Variants in TRIM13 observed in about 807,000 individuals in gnomAD.
TRIM13 encodes the protein tripartite motif containing 13.
A neutral mutation model predicts 27.1 loss-of-function variants in TRIM13; 15 were observed. The observed-to-expected ratio is 0.55, with a 90% CI of 0.37 to 0.85. The LOEUF (loss-of-function observed/expected upper bound fraction) is 0.85. Among genes scored for constraint, TRIM13 ranks in the 40% least tolerant of loss-of-function variants. The pLI, the probability that TRIM13 is intolerant of heterozygous loss-of-function variation, is 0.00. For missense variants in TRIM13, 402 were observed against 472.2 expected (o/e 0.85, Z 1.38); for synonymous variants, 193 against 171.5 (o/e 1.13, Z -0.98).
At chr13:50,002,429 ACTT>A (rs1328083953) in intron 1 of TRIM13, among the ~76,000 whole-genome samples, 4 of 152,116 alleles carry the variant, frequency 2.6e-5, no homozygotes, top group South Asian at 2.1e-4. Context: ...AGCAGATTAA[ACTT>A]CTTATGAGGC....
chr13:50,011,748 C>G (rs1875672074), intron 1 of TRIM13, among the ~76,000 whole-genome samples, 187 bp from the exon 2 acceptor site: 1 of 152,200 alleles, frequency 6.6e-6, no homozygotes, highest in Non-Finnish European at 1.5e-5. Context: ...ATTAAAGGAG[C>G]ATGTTCTAGT....
chr13:50,018,291 A>G lies in TRIM13; in HGVS notation c.*5127A>G, dbSNP rs1225832903. Reference sequence around the variant, plus strand: ...ACGTTCCACTTTGTTACAATCTACTATCTGTATATACTATTTGTATCTTAA... The same window carrying G: ...ACGTTCCACTTTGTTACAATCTACTGTCTGTATATACTATTTGTATCTTAA... On this transcript the variant is annotated 3_prime_UTR_variant, in exon 2 of 2. Transcript: ENST00000378182. 1 of 166,888 alleles carries G rather than the reference A, an allele frequency of 6.0e-6. No individual in the cohort carries two copies. Among genetic ancestry groups the G allele is most frequent in the Non-Finnish European group, 1.5e-5 (1 of 68,114 alleles). The allele number at this position is 166,888 out of a possible 1,614,324, so 10.3% of individuals were successfully genotyped here. A position where few individuals can be genotyped will look rare whatever the true frequency, so the allele number is the denominator to read the frequency against.
chr13:49,998,711 T>C (rs2138327849), intron 1 of TRIM13, among the ~76,000 whole-genome samples: 1 of 152,092 alleles, frequency 6.6e-6, no homozygotes, highest in Admixed American at 6.5e-5. Flanking sequence ...GGTGGATCAC[T>C]TGAGGTCAGG....
chr13:50,003,188 A>G (rs985226179), intron 1 of TRIM13, among the ~76,000 whole-genome samples: 5 of 152,222 alleles, frequency 3.3e-5, no homozygotes, highest in South Asian at 2.1e-4. Context: ...TTTAATGTCT[A>G]TGAAGTGAGT....
At position 50,015,006 on chromosome 13, in the gene TRIM13, AAC is replaced by A. The variant is rs1374514623; in HGVS notation, c.*1843_*1844del. 21 of 164,206 alleles carry A rather than the reference AAC, an allele frequency of 1.3e-4. No individual in the cohort carries two copies. Among genetic ancestry groups the A allele is most frequent in the Non-Finnish European group, 3.1e-4 (21 of 67,614 alleles). 10.2% of individuals were successfully genotyped at this position (164,206 alleles called of 1,614,324 possible). A position where few individuals can be genotyped will look rare whatever the true frequency, so the allele number is the denominator to read the frequency against. ...AAGGAGATCATAAGAAATTAAGAAAAACGTTTAAGTCTAGCCTCTGCGTGGTA... is the reference window on the plus strand; with the variant it reads ...AAGGAGATCATAAGAAATTAAGAAAAGTTTAAGTCTAGCCTCTGCGTGGTA... On this transcript the variant is annotated 3_prime_UTR_variant, in exon 2 of 2. Transcript: ENST00000378182.
chr13:50,007,333 AC>A (rs1874865918), intron 1 of TRIM13, among the ~76,000 whole-genome samples: 1 of 151,370 alleles, frequency 6.6e-6, no homozygotes, highest in Admixed American at 6.6e-5. Context: ...TATTAAAAAT[AC>A]AACAAAATTA....
At chr13:49,998,323 A>G (rs933625881) in intron 1 of TRIM13, among the ~76,000 whole-genome samples, 6 of 152,056 alleles carry the variant, frequency 3.9e-5, no homozygotes, top group Non-Finnish European at 7.4e-5. Flanking sequence ...TGTTCATTCT[A>G]TACATTTATG....
intron 1 of TRIM13, among the ~76,000 whole-genome samples, chr13:50,002,938 T>C (rs753516260): frequency 4.6e-5 from 7 of 152,096 alleles, no homozygotes; most frequent in Non-Finnish European, 8.8e-5. Flanking sequence ...TGGGATTACA[T>C]GCATGAGCCA....
chr13:50,003,594 G>C (rs1408747934), intron 1 of TRIM13, among the ~76,000 whole-genome samples: 2 of 152,110 alleles, frequency 1.3e-5, no homozygotes, highest in Non-Finnish European at 2.9e-5. Flanking sequence ...ACTCTATTAT[G>C]ACACGTTTAC....
At chr13:50,009,739 A>AG (rs1171057828) in intron 1 of TRIM13, among the ~76,000 whole-genome samples, 1,255 of 112,160 alleles carry the variant, frequency 0.011, 4 homozygotes, top group Non-Finnish European at 0.02. Context: ...TCCGTCTCAA[A>AG]AAAAAAAAAA....
Position 50,012,597 on chromosome 13 carries a change from C to A in TRIM13, c.657C>A (p.Ile219=). The A allele has an allele frequency of 1.9e-6, 3 of 1,614,096 alleles. No homozygotes were observed. Among genetic ancestry groups the A allele is most frequent in the Admixed American group, 3.3e-5 (2 of 60,020 alleles). The change falls in exon 2 of 2, where the codon ATC becomes ATA. Residue 219 remains isoleucine (I), a synonymous_variant. Coordinates refer to ENST00000378182, the MANE Select transcript of TRIM13 (RefSeq NM_213590.3). The stretch of plus-strand genomic sequence containing the variant: ...TTATGCAAGCATATGACCCAGAGAT[C>A]AACAAACTCAACACCATCTTGCAGG... ...LAVMQAYDPE[I]NKLNTILQEQ...
Position 50,012,404 on chromosome 13 carries a change from G to GA in TRIM13, c.465dup (p.Asp156ArgfsTer12). On this transcript the variant is annotated frameshift_variant, in exon 2 of 2. Coordinates refer to ENST00000378182, the MANE Select transcript of TRIM13 (RefSeq NM_213590.3). LOFTEE classifies it high-confidence loss of function. ...CAGAGCTTTGAGACCTGGCGTCGGG[G>GA]AGATGCTCTTTCTCGCTTGGATACC... 6.2e-7 allele frequency: 1 copy of GA among 1,614,130 alleles called. No individual in the cohort carries two copies. The highest frequency in any genetic ancestry group is 1.3e-5 in the African/African-American group (1 of 75,044).
chr13:50,012,136 A>G lies in TRIM13; in HGVS notation c.196A>G (p.Ile66Val). 1 of 1,614,146 alleles carries G rather than the reference A, an allele frequency of 6.2e-7. No homozygotes were observed. Among genetic ancestry groups the G allele is most frequent in the Non-Finnish European group, 8.5e-7 (1 of 1,179,996 alleles). ...CCGTAAGGAAACTTCAGCTACTGGAATTAATAGCCTGCAGGTTAATTACTC... is the reference window on the plus strand; with the variant it reads ...CCGTAAGGAAACTTCAGCTACTGGAGTTAATAGCCTGCAGGTTAATTACTC... Reference protein sequence around the residue: ...TCRKETSATGINSLQVNYSLK... With the variant: ...TCRKETSATGVNSLQVNYSLK... Residue 66 changes from isoleucine (I) to valine (V), a missense_variant, in exon 2 of 2, where the codon ATT (isoleucine) becomes GTT (valine). Ile to Val is a conservative substitution (Grantham distance 29). Around this residue, in one of 2 missense-constraint regions of TRIM13, gnomAD observed 202 missense variants for 277.5 expected, o/e 0.73. Coordinates refer to ENST00000378182, the MANE Select transcript of TRIM13 (RefSeq NM_213590.3).
In TRIM13 at chr13:50,013,822, G is replaced by A. The variant is rs1875968234; in HGVS notation, c.*658G>A. 1 of 166,860 alleles carries A rather than the reference G, an allele frequency of 6.0e-6. No individual in the cohort carries two copies. Among genetic ancestry groups the A allele is most frequent in the African/African-American group, 2.4e-5 (1 of 41,368 alleles). The allele number at this position is 166,860 out of a possible 1,614,324, so 10.3% of individuals were successfully genotyped here. ...CAAAGTGCTGGGATTACAGGTGTGA[G>A]CCACCGTGCCCAGCCAAAGACTGCT... On this transcript the variant is annotated 3_prime_UTR_variant, in exon 2 of 2. Coordinates refer to ENST00000378182, the MANE Select transcript of TRIM13 (RefSeq NM_213590.3).
At chr13:50,006,010 TG>T (rs1377322828) in intron 1 of TRIM13, among the ~76,000 whole-genome samples, 1 of 152,014 alleles carries the variant, frequency 6.6e-6, no homozygotes, top group African/African-American at 2.4e-5. Flanking sequence ...CCACCGCGCT[TG>T]GCCAGAAATA....
rs182933979 is a variant in TRIM13 at position 50,015,543 on chromosome 13, C to T, written c.*2379C>T. The T allele has an allele frequency of 4.3e-5, 69 of 1,613,892 alleles. No individual in the cohort carries two copies. In the Middle Eastern group the frequency reaches 4.9e-4, roughly 12 times the overall value. On this transcript the variant is annotated 3_prime_UTR_variant, in exon 2 of 2. Coordinates refer to ENST00000378182, the MANE Select transcript of TRIM13 (RefSeq NM_213590.3). ...TTGAATGTGGGAGGGAAGATATTCA[C>T]GACAAGGTTTTCTACGATAAAGCAG... is the stretch of plus-strand genomic sequence containing the variant.
In TRIM13 at chr13:50,016,931, C is replaced by T. The variant is rs569685901; in HGVS notation, c.*3767C>T. The T allele has an allele frequency of 1.2e-3, 197 of 165,514 alleles. 3 individuals carry two copies. Among genetic ancestry groups the T allele is most frequent in the South Asian group, 7.1e-3 (34 of 4,788 alleles). The allele number at this position is 165,514 out of a possible 1,614,324, so 10.3% of individuals were successfully genotyped here. A position where few individuals can be genotyped will look rare whatever the true frequency, so the allele number is the denominator to read the frequency against. On this transcript the variant is annotated 3_prime_UTR_variant, in exon 2 of 2. Coordinates refer to ENST00000378182, the MANE Select transcript of TRIM13 (RefSeq NM_213590.3). ...TTTTCTTAACTTGAGCAGTAGCCAACAGGAAGGATACCAGTGTCTCTCTCT... is the reference window on the plus strand; with the variant it reads ...TTTTCTTAACTTGAGCAGTAGCCAATAGGAAGGATACCAGTGTCTCTCTCT...
intron 1 of TRIM13, among the ~76,000 whole-genome samples, chr13:50,010,994 A>G (rs1259844398): frequency 1.3e-5 from 2 of 152,228 alleles, no homozygotes; most frequent in Non-Finnish European, 2.9e-5. Context: ...TCAAGACTTA[A>G]TAAAATGAAT....
rs116727750 is a variant in TRIM13, at chr13:50,000,415, T to C, written c.-7+2652T>C. 8.0e-3 allele frequency among the ~76,000 whole-genome samples: 1,223 copies of C among 152,228 alleles called. 19 individuals are homozygous for C. Among genetic ancestry groups the C allele is most frequent in the African/African-American group, 0.028 (1,167 of 41,528 alleles). The stretch of plus-strand genomic sequence containing the variant: ...GTAATTAGAGCTGTGGAGCAAGACT[T>C]TTCTCTATAAGGTGTTTACCTAAAT... On this transcript the variant is annotated intron_variant, in intron 1 of 1. Coordinates refer to ENST00000378182, the MANE Select transcript of TRIM13 (RefSeq NM_213590.3).
Sources: gnomAD v4.1 joint callset for allele counts (sites outside exome capture counted in the v4.1 genomes callset) on GRCh38, gnomAD v4.1.1 for gene constraint, gnomAD v4.1.1 regional missense constraint, MANE v1.5 for transcripts, NCBI Gene and HGNC (gene_info 2026-07-23, HGNC 2026-07-21) for gene names.